Variants in CHRM3 observed in about 807,000 individuals in gnomAD.
CHRM3 encodes muscarinic acetylcholine receptor M3.
A neutral mutation model predicts 41.8 loss-of-function variants in CHRM3; 11 were observed. That is an observed-to-expected ratio of 0.26 (90% CI 0.17 to 0.44). The LOEUF (loss-of-function observed/expected upper bound fraction) is 0.44, where lower values mean the gene tolerates loss of function less well. CHRM3 is among the 20% of genes least tolerant of loss of function. The probability of loss-of-function intolerance (pLI) is 1.00; values close to 1 mark genes in which losing one functional copy is unlikely to be tolerated. For missense variants in CHRM3, 571 were observed against 745.4 expected (o/e 0.77, Z 2.72); for synonymous variants, 297 against 301.4 (o/e 0.99, Z 0.15).
At chr1:239,446,894 G>A (rs1664192999) in intron 1 of CHRM3, among the ~76,000 whole-genome samples, 1 of 151,984 alleles carries the variant, frequency 6.6e-6, no homozygotes, top group African/African-American at 2.4e-5. Flanking sequence ...TTAGGAGCAT[G>A]GAAATTACTC....
intron 3 of CHRM3, among the ~76,000 whole-genome samples, chr1:239,631,941 C>T (rs2148872353): frequency 6.6e-6 from 1 of 152,268 alleles, no homozygotes; most frequent in South Asian, 2.1e-4. Context: ...TTCCTTGCAA[C>T]TGGAGCTTAG....
chr1:239,849,146 T>C (rs1286271753), intron 6 of CHRM3, among the ~76,000 whole-genome samples: 1 of 152,214 alleles, frequency 6.6e-6, no homozygotes, highest in Non-Finnish European at 1.5e-5. Flanking sequence ...AATCAACATC[T>C]GTTCCCTATG....
chr1:239,472,851 T>C (rs745370742), intron 1 of CHRM3, among the ~76,000 whole-genome samples: 3 of 152,112 alleles, frequency 2.0e-5, no homozygotes, highest in Admixed American at 6.5e-5. Flanking sequence ...GTAACAGACC[T>C]GCATATCCTG....
chr1:239,874,870 GT>G, intron 6 of CHRM3, among the ~76,000 whole-genome samples: 1 of 151,718 alleles, frequency 6.6e-6, no homozygotes, highest in Non-Finnish European at 1.5e-5. Flanking sequence ...GGCTAATTTT[GT>G]ATTTTTTAGT....
At chr1:239,804,639 T>C (rs969453875) in intron 5 of CHRM3, among the ~76,000 whole-genome samples, 17 of 152,182 alleles carry the variant, frequency 1.1e-4, no homozygotes, top group Non-Finnish European at 2.2e-4. Context: ...ATAGAATCTT[T>C]CCTGTGCAGT....
intron 3 of CHRM3, among the ~76,000 whole-genome samples, chr1:239,558,533 A>G (rs1041823936): frequency 3.3e-5 from 5 of 152,224 alleles, no homozygotes; most frequent in African/African-American, 1.2e-4. Flanking sequence ...TGAATCTCGC[A>G]TTTCAGCTTA....
chr1:239,807,725 TA>T (rs1238594802), intron 5 of CHRM3, among the ~76,000 whole-genome samples: 1 of 152,196 alleles, frequency 6.6e-6, no homozygotes, highest in South Asian at 2.1e-4. Context: ...TTAATCACAT[TA>T]AAAATCTCAT....
chr1:239,629,505 T>C (rs762482008), intron 3 of CHRM3: 30 of 153,966 alleles, frequency 1.9e-4, no homozygotes, highest in Non-Finnish European at 3.3e-4. Flanking sequence ...GCTGTTCCTA[T>C]TCGGCCATCT....
intron 2 of CHRM3, among the ~76,000 whole-genome samples, chr1:239,502,286 T>C (rs929821025): frequency 1.3e-5 from 2 of 152,046 alleles, no homozygotes; most frequent in African/African-American, 4.8e-5. Flanking sequence ...AAAGCATCAA[T>C]CAAGGCTACT....
At chr1:239,874,295 A>ATATATCTATATACACAG (rs1221893897) in intron 6 of CHRM3, among the ~76,000 whole-genome samples, 2 of 73,162 alleles carry the variant, frequency 2.7e-5, no homozygotes, top group Non-Finnish European at 5.4e-5. Context: ...GTATATATAT[A>ATATATCTATATACACAG]TATATATATA....
chr1:239,593,892 C>A (rs997538), intron 3 of CHRM3, among the ~76,000 whole-genome samples: 20 of 152,032 alleles, frequency 1.3e-4, no homozygotes, highest in Non-Finnish European at 4.4e-5. Context: ...CACCGATAAG[C>A]AAGTTCATCA....
At chr1:239,864,787 T>G (rs2149288974) in intron 6 of CHRM3, among the ~76,000 whole-genome samples, 1 of 152,252 alleles carries the variant, frequency 6.6e-6, no homozygotes, top group South Asian at 2.1e-4. Context: ...ACCTATAGAA[T>G]CGTGTGTAAA....
chr1:239,893,007 G>A (rs192407313), intron 6 of CHRM3, among the ~76,000 whole-genome samples: 1 of 152,246 alleles, frequency 6.6e-6, no homozygotes, highest in Admixed American at 6.5e-5. Context: ...GGATCAGACG[G>A]CTTTGGTTTA....
chr1:239,574,261 A>T (rs1449629541), intron 3 of CHRM3, among the ~76,000 whole-genome samples: 1 of 152,152 alleles, frequency 6.6e-6, no homozygotes, highest in Non-Finnish European at 1.5e-5. Context: ...CACTCAGAGA[A>T]AAAGCCAGAG....
chr1:239,871,213 A>T (rs930206553), intron 6 of CHRM3, among the ~76,000 whole-genome samples: 2 of 152,092 alleles, frequency 1.3e-5, no homozygotes, highest in Non-Finnish European at 2.9e-5. Flanking sequence ...TATCCTGTGT[A>T]TAGGGTATAG....
intron 4 of CHRM3, among the ~76,000 whole-genome samples, chr1:239,649,086 G>A (rs1350652796): frequency 2.6e-5 from 4 of 152,152 alleles, no homozygotes; most frequent in Non-Finnish European, 4.4e-5. Flanking sequence ...TTATAGAAAT[G>A]TTTGCAGCCA....
At chr1:239,611,692 T>A (rs922766006) in intron 3 of CHRM3, among the ~76,000 whole-genome samples, 2 of 152,170 alleles carry the variant, frequency 1.3e-5, no homozygotes, top group Non-Finnish European at 2.9e-5. Flanking sequence ...GTGCTGGGAT[T>A]ACAGGCATGA....
chr1:239,822,128 C>T (rs1009156342), intron 5 of CHRM3, among the ~76,000 whole-genome samples: 1 of 152,180 alleles, frequency 6.6e-6, no homozygotes, highest in African/African-American at 2.4e-5. Flanking sequence ...CAGACTAGTA[C>T]AGAAGCTAAT....
intron 3 of CHRM3, among the ~76,000 whole-genome samples, chr1:239,602,667 A>C (rs1489844884): frequency 1.3e-5 from 2 of 152,198 alleles, no homozygotes; most frequent in Non-Finnish European, 2.9e-5. Context: ...TATTTGCAGT[A>C]ATAGTGTAAG....
Sources: gnomAD v4.1 joint callset for allele counts (sites outside exome capture counted in the v4.1 genomes callset) on GRCh38, gnomAD v4.1.1 for gene constraint, MANE v1.5 for transcripts, NCBI Gene and HGNC (gene_info 2026-07-23, HGNC 2026-07-21) for gene names.